The following ZFHX3 variants were observed in gnomAD, a reference collection of about 807,000 sequenced individuals.
The protein encoded by ZFHX3 is zinc finger homeobox 3.
Under a neutral mutation model 279.1 loss-of-function variants are expected in ZFHX3, and 42 were observed. That is an observed-to-expected ratio of 0.15 (90% CI 0.12 to 0.19). ZFHX3 has a LOEUF of 0.19. ZFHX3 is among the 10% of genes least tolerant of loss of function. ZFHX3 has a pLI of 1.00. For missense variants in ZFHX3, 4,981 were observed against 4,754.0 expected, an observed-to-expected ratio of 1.05 and a Z score of -1.40; for synonymous variants, 2,293 against 1,957.8, an observed-to-expected ratio of 1.17 and a Z score of -4.52.
chr16:73,077,181 G>A (rs1024115430), intron 8 of ZFHX3, among the ~76,000 whole-genome samples: 1 of 152,048 alleles, frequency 6.6e-6, no homozygotes, highest in Non-Finnish European at 1.5e-5. Flanking sequence ...GGATGGAGCA[G>A]GTTCAAGCAT....
intron 3 of ZFHX3, among the ~76,000 whole-genome samples, chr16:73,387,598 C>T (rs2016927187): frequency 1.3e-5 from 2 of 152,024 alleles, no homozygotes. Flanking sequence ...AGCCTCTTTT[C>T]AATAATCTTC....
At chr16:73,116,876 A>T (rs2144804271) in intron 7 of ZFHX3, among the ~76,000 whole-genome samples, 1 of 152,342 alleles carries the variant, frequency 6.6e-6, no homozygotes, top group African/African-American at 2.4e-5. Context: ...ACACAGAAAA[A>T]GCCTGGCCTG....
chr16:72,961,184 A>G (rs1961558536), intron 1 of ZFHX3, among the ~76,000 whole-genome samples: 1 of 152,096 alleles, frequency 6.6e-6, no homozygotes, highest in Admixed American at 6.5e-5. Flanking sequence ...TTTGCTATCA[A>G]GGATCTGAGC....
At chr16:73,282,486 T>C (rs980977128) in intron 4 of ZFHX3, among the ~76,000 whole-genome samples, 3 of 152,242 alleles carry the variant, frequency 2.0e-5, no homozygotes, top group African/African-American at 7.2e-5. Context: ...TGGTGGGTTC[T>C]CTACTTCAGG....
chr16:73,873,591 A>G (rs1486533885), intron 1 of ZFHX3, among the ~76,000 whole-genome samples: 1 of 152,160 alleles, frequency 6.6e-6, no homozygotes, highest in Non-Finnish European at 1.5e-5. Context: ...AAACATATTT[A>G]CCTTTAACAT....
chr16:73,646,062 T>G (rs938197265), intron 2 of ZFHX3, among the ~76,000 whole-genome samples: 1 of 152,204 alleles, frequency 6.6e-6, no homozygotes, highest in African/African-American at 2.4e-5. Flanking sequence ...TTCAAAAGAC[T>G]AAAAATGTGA....
chr16:73,128,182 G>T (rs1385774631), intron 7 of ZFHX3, among the ~76,000 whole-genome samples: 1 of 152,100 alleles, frequency 6.6e-6, no homozygotes, highest in Non-Finnish European at 1.5e-5. Flanking sequence ...TGATACAGGG[G>T]GGCTGGGTTT....
chr16:72,960,465 C>T (rs1249545043), intron 1 of ZFHX3, among the ~76,000 whole-genome samples: 16 of 152,162 alleles, frequency 1.1e-4, no homozygotes, highest in African/African-American at 2.4e-5. Flanking sequence ...GAATTGTCAC[C>T]GCTCTGCCCC....
intron 3 of ZFHX3, among the ~76,000 whole-genome samples, chr16:72,922,680 TC>T (rs2039612889): frequency 6.6e-6 from 1 of 152,172 alleles, no homozygotes; most frequent in Non-Finnish European, 1.5e-5. Context: ...CTGGCTTTCT[TC>T]CTTTGAAATT....
intron 2 of ZFHX3, among the ~76,000 whole-genome samples, chr16:73,663,489 C>A (rs1204644617): frequency 6.6e-6 from 1 of 152,214 alleles, no homozygotes; most frequent in Non-Finnish European, 1.5e-5. Context: ...TTGCCAACAA[C>A]TTCCTGTATG....
intron 3 of ZFHX3, among the ~76,000 whole-genome samples, chr16:73,437,350 A>G (rs751742930): frequency 3.3e-5 from 5 of 152,226 alleles, no homozygotes; most frequent in Non-Finnish European, 7.3e-5. Context: ...AACTACAAAA[A>G]GTATTATACC....
exon 1 of ZFHX3, chr16:73,059,229 AAAC>A (rs1323205722): frequency 6.6e-6 from 1 of 150,592 alleles, no homozygotes; most frequent in Non-Finnish European, 1.5e-5. Context: ...AAAAAAAAAA[AAAC>A]AGGGGAAAGT....
intron 1 of ZFHX3, among the ~76,000 whole-genome samples, chr16:72,972,442 C>T (rs1962147443): frequency 6.6e-6 from 1 of 152,144 alleles, no homozygotes; most frequent in Admixed American, 6.5e-5. Flanking sequence ...CATCAATTTT[C>T]CTGTATTCAA....
intron 2 of ZFHX3, among the ~76,000 whole-genome samples, chr16:73,550,875 A>G (rs1387890736): frequency 6.6e-6 from 1 of 152,220 alleles, no homozygotes; most frequent in African/African-American, 2.4e-5. Flanking sequence ...AACATCAAAT[A>G]TATTTTGGGG....
intron 4 of ZFHX3, among the ~76,000 whole-genome samples, chr16:72,885,421 CA>C (rs1279681900): frequency 2.6e-5 from 4 of 152,264 alleles, no homozygotes; most frequent in Non-Finnish European, 4.4e-5. Context: ...GAGACCTTTG[CA>C]ATTTCTTCTA....
rs757627651 is a variant in ZFHX3, at chr16:72,933,026, G to A, written c.3216+17443C>T. The stretch of plus-strand genomic sequence containing the variant: ...CCTTAAAACCCCAAGAGCTATCTGG[G>A]TTTCCTTTAAGACGCATGGACATCC... On this transcript the variant is annotated intron_variant, in intron 3 of 9. Coordinates refer to ENST00000268489, the MANE Select transcript of ZFHX3 (RefSeq NM_006885.4). 3.5e-4 allele frequency among the ~76,000 whole-genome samples: 53 copies of A among 152,096 alleles called. 1 individual carries two copies. The highest frequency in any genetic ancestry group is 1.0e-3 in the South Asian group (5 of 4,820).
intron 1 of ZFHX3, among the ~76,000 whole-genome samples, chr16:73,716,677 G>T (rs891348643): frequency 6.7e-6 from 1 of 149,994 alleles, no homozygotes; most frequent in African/African-American, 2.5e-5. Flanking sequence ...AGACCTAACC[G>T]CCCTCCTGTT....
intron 1 of ZFHX3, among the ~76,000 whole-genome samples, chr16:73,725,870 C>A (rs1162266152): frequency 6.6e-6 from 1 of 152,132 alleles, no homozygotes; most frequent in African/African-American, 2.4e-5. Context: ...GCTCACCAAC[C>A]AACTCTGTGG....
intron 1 of ZFHX3, among the ~76,000 whole-genome samples, chr16:73,684,880 T>G (rs1418511845): frequency 6.6e-6 from 1 of 152,078 alleles, no homozygotes; most frequent in East Asian, 1.9e-4. Context: ...TTTGTCTTTT[T>G]AGTAGAGACA....
Sources: allele counts gnomAD v4.1 joint callset (sites outside exome capture counted in the v4.1 genomes callset), GRCh38; gene constraint gnomAD v4.1.1; transcripts MANE v1.5; gene names NCBI Gene and HGNC (gene_info 2026-07-23, HGNC 2026-07-21).